The following VIPR1 variants were observed in gnomAD, a reference collection of about 807,000 sequenced individuals.
VIPR1 encodes vasoactive intestinal polypeptide receptor 1.
In VIPR1, 59 loss-of-function variants were observed where a neutral mutation model predicts 58.8. That is an observed-to-expected ratio of 1.00 (90% CI 0.81 to 1.25). The LOEUF (loss-of-function observed/expected upper bound fraction) is 1.25, where lower values mean the gene tolerates loss of function less well. Among genes scored for constraint, VIPR1 ranks in the 50% most tolerant of loss-of-function variants. The pLI is 0.00. For missense variants in VIPR1, 626 were observed against 602.7 expected (o/e 1.04, Z -0.40); for synonymous variants, 251 against 242.1 (o/e 1.04, Z -0.34).
intron 1 of VIPR1, among the ~76,000 whole-genome samples, chr3:42,503,585 T>G (rs406683): frequency 0.85 from 129,944 of 152,146 alleles, 55,977 homozygotes; most frequent in East Asian, 1. Flanking sequence ...TGATATGTGT[T>G]CCTGTGGATG....
rs945846109 is a variant in VIPR1 at position 42,527,432 on chromosome 3, ACCATTGGCTACGG to A, written c.442_454del (p.Ile148CysfsTer13). ...CTACGGTTCTGTGAAGACCGGCTAC[ACCATTGGCTACGG>A]CCTGTCCCTCGCCACCCTTCTGGTC... On this transcript the variant is annotated frameshift_variant, in exon 5 of 13. Coordinates refer to ENST00000325123, the MANE Select transcript of VIPR1 (RefSeq NM_004624.4). LOFTEE classifies it high-confidence loss of function. 6.2e-7 allele frequency: 1 copy of A among 1,613,666 alleles called. No homozygotes were observed. Among genetic ancestry groups the A allele is most frequent in the African/African-American group, 1.3e-5 (1 of 74,806 alleles).
upstream of VIPR1, chr3:42,500,107 G>A (rs1001458080): frequency 2.0e-5 from 3 of 152,196 alleles, no homozygotes; most frequent in Admixed American, 6.5e-5. Flanking sequence ...TGTTTATTCC[G>A]AAGAATCTGC....
rs149215048 is a variant in VIPR1 at position 42,526,780 on chromosome 3, C to G, written c.400-613C>G. Among the ~76,000 whole-genome samples the G allele has an allele frequency of 7.7e-4, 118 of 152,274 alleles. 1 individual carries two copies. The highest frequency in any genetic ancestry group is 2.7e-3 in the African/African-American group (111 of 41,550). The stretch of plus-strand genomic sequence containing the variant: ...GCCTAGTGGCTGTCGTGCTGCACTG[C>G]ACCTGTGTCCATGGGGAGGGCATCA... On this transcript the variant is annotated intron_variant, in intron 4 of 12. Transcript: ENST00000325123.
At chr3:42,518,461 G>A (rs566472944) in intron 2 of VIPR1, among the ~76,000 whole-genome samples, 12 of 152,196 alleles carry the variant, frequency 7.9e-5, no homozygotes, top group South Asian at 2.1e-4. Flanking sequence ...TGTGTTGGCC[G>A]GGCGCGGTGG....
chr3:42,516,110 C>T (rs977200724), intron 2 of VIPR1, among the ~76,000 whole-genome samples: 1 of 152,158 alleles, frequency 6.6e-6, no homozygotes, highest in African/African-American at 2.4e-5. Context: ...TACAAAATGA[C>T]ACAGCAGAGG....
At chr3:42,502,509 C>G (rs900622832), upstream of VIPR1, 1 of 356,688 alleles carries the variant, frequency 2.8e-6, no homozygotes, top group African/African-American at 2.1e-5. Context: ...CTCCCCAGCC[C>G]CGCCCCATAC....
chr3:42,519,367 G>A (rs1409855428), intron 3 of VIPR1, 37 bp downstream of exon 3: 8 of 1,545,416 alleles, frequency 5.2e-6, no homozygotes, highest in South Asian at 1.2e-5. Flanking sequence ...TGTGAGTGGG[G>A]CCGGCTGGAG....
Position 42,519,348 on chromosome 3 carries a change from AAGAG to A in VIPR1, c.292+19_292+22del. On this transcript the variant is annotated intron_variant, in intron 3 of 12. Transcript: ENST00000325123. ...CATTCAAGGTAAGACCCCTGGGTTG[AAGAG>A]GTGATGTGAGTGGGGCCGGCTGGAG... 6.3e-7 allele frequency: 1 copy of A among 1,588,956 alleles called. No individual in the cohort carries two copies. Among genetic ancestry groups the A allele is most frequent in the Non-Finnish European group, 8.6e-7 (1 of 1,167,626 alleles).
Position 42,502,653 on chromosome 3 carries a change from G to A in VIPR1, c.-83G>A, listed in dbSNP as rs867160911. On this transcript the variant is annotated 5_prime_UTR_variant, in exon 1 of 13. Transcript: ENST00000325123. ...CACAGCGCCAGCGCCACTCTGCCAGGCTCCCGGCCATCGCCCGCCTGGTGC... is the reference window on the plus strand; with the variant it reads ...CACAGCGCCAGCGCCACTCTGCCAGACTCCCGGCCATCGCCCGCCTGGTGC... The A allele has an allele frequency of 1.8e-6, 2 of 1,091,392 alleles. No individual in the cohort carries two copies. The highest frequency in any genetic ancestry group is 2.3e-6 in the Non-Finnish European group (2 of 857,800). The allele number at this position is 1,091,392 out of a possible 1,614,324, so 67.6% of individuals were successfully genotyped here. A position where few individuals can be genotyped will look rare whatever the true frequency, so the allele number is the denominator to read the frequency against.
upstream of VIPR1, chr3:42,502,497 G>A (rs565026856): frequency 2.8e-6 from 1 of 352,116 alleles, no homozygotes; most frequent in African/African-American, 2.1e-5. Context: ...CACTGGCAGG[G>A]GCTCCCCAGC....
At chr3:42,499,755 C>T (rs533018927), upstream of VIPR1, among the ~76,000 whole-genome samples, 3 of 152,162 alleles carry the variant, frequency 2.0e-5, no homozygotes, top group Admixed American at 6.5e-5. Context: ...GGTAGTCCGT[C>T]GGCCCCCCCT....
intron 2 of VIPR1, among the ~76,000 whole-genome samples, chr3:42,514,541 CCACACACACACA>C (rs111610459): frequency 6.9e-6 from 1 of 144,078 alleles, no homozygotes; most frequent in East Asian, 2.1e-4. Flanking sequence ...GATAGTGACA[CCACACACACACA>C]CACACACACA....
chr3:42,533,813 A>C (rs968864132), intron 10 of VIPR1: 1 of 152,332 alleles, frequency 6.6e-6, no homozygotes, highest in Non-Finnish European at 1.5e-5. Context: ...AACCAGGTCC[A>C]GGAAGGAGTG....
intron 2 of VIPR1, chr3:42,516,560 G>A (rs1265826870): frequency 2.0e-5 from 3 of 152,244 alleles, no homozygotes; most frequent in Non-Finnish European, 2.9e-5. Flanking sequence ...CAGAGCTCAG[G>A]GCCAGAGACC....
chr3:42,532,454 C>T (rs1701622520), intron 10 of VIPR1, 121 bp downstream of exon 10: 6 of 1,059,422 alleles, frequency 5.7e-6, no homozygotes, highest in Middle Eastern at 4.0e-4. Context: ...CCACATTGTT[C>T]TTTCCCACCT....
At chr3:42,535,622 A>G (rs1422685880) in intron 12 of VIPR1, among the ~76,000 whole-genome samples, 10 of 152,260 alleles carry the variant, frequency 6.6e-5, no homozygotes, top group African/African-American at 2.2e-4. Flanking sequence ...AAAACAAACA[A>G]ACAGCTTTTT....
At chr3:42,524,437 C>G (rs567121646) in intron 3 of VIPR1, among the ~76,000 whole-genome samples, 1 of 152,188 alleles carries the variant, frequency 6.6e-6, no homozygotes, top group South Asian at 2.1e-4. Flanking sequence ...TCCAATGCCC[C>G]CTCCTCAACC....
At chr3:42,504,461 A>G (rs1482360439) in intron 1 of VIPR1, among the ~76,000 whole-genome samples, 1 of 151,382 alleles carries the variant, frequency 6.6e-6, no homozygotes, top group African/African-American at 2.4e-5. Context: ...GCTCCAGCCA[A>G]CTCAACCCTT....
chr3:42,502,373 A>C, upstream of VIPR1: 5 of 185,376 alleles, frequency 2.7e-5, no homozygotes, highest in Non-Finnish European at 4.4e-5. Context: ...GAAGGATGGA[A>C]TGTGTTCGGG....
Sources: gnomAD v4.1 joint callset for allele counts (sites outside exome capture counted in the v4.1 genomes callset) on GRCh38, gnomAD v4.1.1 for gene constraint, MANE v1.5 for transcripts, NCBI Gene and HGNC (gene_info 2026-07-23, HGNC 2026-07-21) for gene names.